MAP2: variants seen among roughly 807,000 people sequenced by gnomAD.
MAP2 encodes the protein microtubule associated protein 2.
MAP2 carries 14 observed loss-of-function variants against 137.6 expected under a neutral mutation model. That is an observed-to-expected ratio of 0.10 (90% confidence interval 0.07 to 0.16). The LOEUF is 0.16. MAP2 is among the 10% of genes least tolerant of loss of function. MAP2 has a pLI of 1.00. For missense variants in MAP2, 2,088 were observed against 2,191.5 expected (o/e 0.95, Z 0.94); for synonymous variants, 786 against 782.3 (o/e 1.00, Z -0.08).
At chr2:209,480,280 T>A (rs1168170516) in intron 1 of MAP2, among the ~76,000 whole-genome samples, 1 of 152,168 alleles carries the variant, frequency 6.6e-6, no homozygotes, top group Non-Finnish European at 1.5e-5. Context: ...CACTTAGTAC[T>A]ATACCCTTTA....
At chr2:209,628,105 G>A (rs1213450900) in intron 4 of MAP2, among the ~76,000 whole-genome samples, 1 of 152,014 alleles carries the variant, frequency 6.6e-6, no homozygotes, top group Non-Finnish European at 1.5e-5. Context: ...GGTGACTCAC[G>A]CCTGTAATCC....
intron 1 of MAP2, among the ~76,000 whole-genome samples, chr2:209,477,623 C>T (rs754181450): frequency 1.3e-5 from 2 of 152,026 alleles, no homozygotes; most frequent in African/African-American, 2.4e-5. Context: ...CTTCTCTTCC[C>T]CCTACCTCTC....
chr2:209,644,670 CAAAAAA>C, intron 4 of MAP2, among the ~76,000 whole-genome samples: 1 of 68,580 alleles, frequency 1.5e-5, no homozygotes, highest in Admixed American at 1.7e-4. Flanking sequence ...GACCCTGTCT[CAAAAAA>C]AAAAAAAAAA....
intron 3 of MAP2, among the ~76,000 whole-genome samples, chr2:209,586,333 G>T (rs1420414191): frequency 6.6e-6 from 1 of 152,072 alleles, no homozygotes; most frequent in African/African-American, 2.4e-5. Context: ...ACGTGGACAA[G>T]AATTTGGGCT....
At chr2:209,463,591 A>G (rs1703402599) in intron 1 of MAP2, among the ~76,000 whole-genome samples, 1 of 152,228 alleles carries the variant, frequency 6.6e-6, no homozygotes, top group Non-Finnish European at 1.5e-5. Context: ...ATATAATCAT[A>G]ATACATTTAC....
chr2:209,505,289 G>A (rs2060895599), intron 1 of MAP2, among the ~76,000 whole-genome samples: 1 of 152,022 alleles, frequency 6.6e-6, no homozygotes, highest in South Asian at 2.1e-4. Flanking sequence ...CAACTTAGTA[G>A]CCTTTTGAAA....
At chr2:209,692,446 A>T (rs1251288285) in intron 7 of MAP2, among the ~76,000 whole-genome samples, 179 bp from the exon 8 acceptor site, 1 of 152,290 alleles carries the variant, frequency 6.6e-6, no homozygotes, top group Non-Finnish European at 1.5e-5. Flanking sequence ...TAGTAATAGT[A>T]CACATATATC....
intron 3 of MAP2, among the ~76,000 whole-genome samples, chr2:209,587,949 C>T (rs1015778757): frequency 1.3e-5 from 2 of 152,140 alleles, no homozygotes; most frequent in African/African-American, 4.8e-5. Context: ...TATGTGAAGT[C>T]AAGTTAAATT....
At chr2:209,522,059 C>G (rs560335935) in intron 2 of MAP2, among the ~76,000 whole-genome samples, 1 of 152,112 alleles carries the variant, frequency 6.6e-6, no homozygotes, top group South Asian at 2.1e-4. Context: ...CATCAAAGAC[C>G]TGTGTCGAGC....
chr2:209,647,162 A>G (rs1250528280), intron 4 of MAP2, among the ~76,000 whole-genome samples: 2 of 152,122 alleles, frequency 1.3e-5, no homozygotes, highest in Non-Finnish European at 2.9e-5. Context: ...GCTCACTATC[A>G]TGAGGACAGT....
chr2:209,431,045 C>A (rs1302808036), intron 1 of MAP2, among the ~76,000 whole-genome samples: 4 of 152,034 alleles, frequency 2.6e-5, no homozygotes, highest in Non-Finnish European at 5.9e-5. Context: ...AAAACTCAGT[C>A]ACGAATTTCA....
In MAP2 at chr2:209,696,714, C is replaced by T; in HGVS notation, c.4353C>T (p.Ser1451=). Residue 1451 remains serine, a synonymous_variant, in exon 9 of 16, where the codon AGC becomes AGT. Coordinates refer to ENST00000682079, the MANE Select transcript of MAP2 (RefSeq NM_001375505.1). The stretch of plus-strand genomic sequence containing the variant: ...GAAAAGTAGCTAAAAAGGAACCTAG[C>T]ACAGTCTCCAGAGATGAAGTGAGAA... ...PERKVAKKEP[S]TVSRDEVRRK... The T allele has an allele frequency of 1.9e-6, 3 of 1,613,840 alleles. No individual in the cohort carries two copies. The African/African-American group carries it at 4.0e-5, about 22-fold the overall frequency.
chr2:209,655,907 C>T (rs537400787), intron 5 of MAP2, among the ~76,000 whole-genome samples: 177 of 152,256 alleles, frequency 1.2e-3, no homozygotes, highest in Non-Finnish European at 2.1e-3. Flanking sequence ...CTCTACTTTC[C>T]GTTTTTGCTA....
At chr2:209,507,731 T>C (rs765240527) in intron 2 of MAP2, 90 bp downstream of exon 2, 1 of 152,174 alleles carries the variant, frequency 6.6e-6, no homozygotes, top group Non-Finnish European at 1.5e-5. Flanking sequence ...AGAAATATGC[T>C]TGCAATGTGT....
intron 2 of MAP2, among the ~76,000 whole-genome samples, chr2:209,563,632 A>T (rs1180126545): frequency 3.3e-5 from 5 of 152,172 alleles, no homozygotes; most frequent in African/African-American, 9.7e-5. Context: ...TGGAATTTCC[A>T]AGCTCTGGAA....
chr2:209,690,052 A>G (rs2058386193), intron 7 of MAP2, among the ~76,000 whole-genome samples: 1 of 152,210 alleles, frequency 6.6e-6, no homozygotes. Context: ...TTGGTTGGAT[A>G]TTCTTTTGAA....
intron 2 of MAP2, among the ~76,000 whole-genome samples, chr2:209,509,748 G>A (rs1427276513): frequency 1.3e-5 from 2 of 151,864 alleles, no homozygotes; most frequent in South Asian, 2.1e-4. Context: ...AAAACTGTTA[G>A]CTGAGCAAAA....
intron 1 of MAP2, among the ~76,000 whole-genome samples, chr2:209,453,390 A>G (rs1700743768): frequency 6.6e-6 from 1 of 152,218 alleles, no homozygotes; most frequent in African/African-American, 2.4e-5. Flanking sequence ...TGTGTTAAAA[A>G]GAAAGTTTTT....
chr2:209,718,237 G>T (rs2068577330), intron 13 of MAP2, among the ~76,000 whole-genome samples: 3 of 152,010 alleles, frequency 2.0e-5, no homozygotes, highest in Admixed American at 6.6e-5. Context: ...GAGGCTTGTT[G>T]AGCCTTTTTA....
Sources: gnomAD v4.1 joint callset for allele counts (sites outside exome capture counted in the v4.1 genomes callset) on GRCh38, gnomAD v4.1.1 for gene constraint, MANE v1.5 for transcripts, NCBI Gene and HGNC (gene_info 2026-07-23, HGNC 2026-07-21) for gene names.